MYO9B: variants seen among roughly 807,000 people sequenced by gnomAD.
MYO9B encodes unconventional myosin-IXb.
In MYO9B, 71 loss-of-function variants were observed where a neutral mutation model predicts 229.5. That is an observed-to-expected ratio of 0.31 (90% confidence interval 0.26 to 0.38). The LOEUF is 0.38. Ranked by LOEUF, MYO9B falls within the 10% of genes least tolerant of loss-of-function variation. The pLI, the probability that MYO9B is intolerant of heterozygous loss-of-function variation, is 1.00. For synonymous variants in MYO9B, 1,185 were observed against 1,235.8 expected (o/e 0.96, Z 0.86); for missense variants, 2,255 against 2,920.5 (o/e 0.77, Z 5.25).
At chr19:17,203,870 C>T (rs563142485) in intron 30 of MYO9B, among the ~76,000 whole-genome samples, 1 of 152,222 alleles carries the variant, frequency 6.6e-6, no homozygotes, top group Admixed American at 6.5e-5. Context: ...CTTCCCCAGG[C>T]TCCTCACGGT....
At chr19:17,080,841 C>G (rs1418582798) in intron 1 of MYO9B, among the ~76,000 whole-genome samples, 3 of 151,188 alleles carry the variant, frequency 2.0e-5, no homozygotes, top group Non-Finnish European at 4.4e-5. Context: ...TGCATTCCAG[C>G]CTGGGTGACA....
chr19:17,153,892 G>A (rs532243036), intron 4 of MYO9B, 75 bp from the exon 5 acceptor site: 2 of 1,058,952 alleles, frequency 1.9e-6, no homozygotes, highest in Admixed American at 3.4e-5. Flanking sequence ...CCAAAGCCAT[G>A]TTAGTAGTGG....
rs765439858 is a variant in MYO9B, at chr19:17,172,745, C to T, written c.1936-14C>T. 2 of 1,612,982 alleles carry T rather than the reference C, an allele frequency of 1.2e-6. No individual in the cohort carries two copies. Among genetic ancestry groups the T allele is most frequent in the South Asian group, 2.2e-5 (2 of 91,058 alleles). Reference sequence around the variant, plus strand: ...ACTATCCCCGAGTGACCGCCCACATCCATCCCCCACCAGGACTTCCGGGAG... The same window carrying T: ...ACTATCCCCGAGTGACCGCCCACATTCATCCCCCACCAGGACTTCCGGGAG... On this transcript the variant is annotated splice_polypyrimidine_tract_variant and intron_variant, in intron 12 of 39. Coordinates refer to ENST00000682292, the MANE Select transcript of MYO9B (RefSeq NM_004145.4). The surrounding 1 kb of genome is among the most constrained non-coding windows in gnomAD (Gnocchi z 8.2).
chr19:17,098,051 C>G (rs2145006596), intron 1 of MYO9B, among the ~76,000 whole-genome samples: 1 of 151,000 alleles, frequency 6.6e-6, no homozygotes, highest in African/African-American at 2.4e-5. Flanking sequence ...CAGAACCCCC[C>G]CCCCCCACCT....
chr19:17,151,384 A>G (rs2072475765), intron 3 of MYO9B, among the ~76,000 whole-genome samples: 1 of 152,192 alleles, frequency 6.6e-6, no homozygotes, highest in Non-Finnish European at 1.5e-5. Flanking sequence ...GCTTCCAAGG[A>G]CACTGTGACA....
In MYO9B at chr19:17,134,832, C is replaced by T. The variant is rs142354526; in HGVS notation, c.841-10565C>T. 4.9e-3 allele frequency among the ~76,000 whole-genome samples: 747 copies of T among 152,262 alleles called. 5 individuals are homozygous for T. Among genetic ancestry groups the T allele is most frequent in the African/African-American group, 0.018 (728 of 41,546 alleles). On this transcript the variant is annotated intron_variant, in intron 2 of 39. Transcript: ENST00000682292. ...AGGTCGGAGTGCAGTAGCACGATCT[C>T]GGCTCACTGCAACCTCCACCTCCTG...
At chr19:17,092,763 T>C (rs1420134645) in intron 1 of MYO9B, among the ~76,000 whole-genome samples, 1 of 151,512 alleles carries the variant, frequency 6.6e-6, no homozygotes, top group Non-Finnish European at 1.5e-5. Flanking sequence ...CATATGTTTT[T>C]TCATACCTGT....
intron 13 of MYO9B, among the ~76,000 whole-genome samples, chr19:17,173,524 G>A (rs1011993835): frequency 7.9e-5 from 12 of 151,782 alleles, no homozygotes; most frequent in African/African-American, 2.9e-4. Flanking sequence ...GGCTGGTCTC[G>A]AACTCCTGAC....
At position 17,211,762 on chromosome 19, in the gene MYO9B, G is replaced by A. The variant is rs941781729; in HGVS notation, c.6046G>A (p.Gly2016Arg). The change falls in exon 39 of 40, where the codon GGG (glycine) becomes AGG (arginine). Residue 2016 changes from glycine to arginine, a missense_variant. Coordinates refer to ENST00000682292, the MANE Select transcript of MYO9B (RefSeq NM_004145.4). ...CCTGCTGGAGGAGCGGGCCGGGCGG[G>A]GGGCCTCGGAAGGTCAGTATTAAGG... is the stretch of plus-strand genomic sequence containing the variant. ...ESLLEERAGRGASEGPPAPAL... is the reference protein window; with the variant it reads ...ESLLEERAGRRASEGPPAPAL... 1 of 1,613,068 alleles carries A rather than the reference G, an allele frequency of 6.2e-7. No individual in the cohort carries two copies. The highest frequency in any genetic ancestry group is 1.1e-5 in the South Asian group (1 of 91,044).
intron 2 of MYO9B, among the ~76,000 whole-genome samples, chr19:17,127,043 ACT>A (rs1261501460): frequency 9.5e-6 from 1 of 105,198 alleles, no homozygotes; most frequent in East Asian, 3.0e-4. Flanking sequence ...ATGGAGTCTC[ACT>A]CTGTCGCCCA....
chr19:17,157,836 A>T (rs937269316), intron 7 of MYO9B: 1 of 152,284 alleles, frequency 6.6e-6, no homozygotes, highest in Non-Finnish European at 1.5e-5. Flanking sequence ...AGCTGTGATC[A>T]TGCCACTGAA....
At chr19:17,079,061 C>A (rs1296149524) in intron 1 of MYO9B, among the ~76,000 whole-genome samples, 3 of 152,232 alleles carry the variant, frequency 2.0e-5, no homozygotes, top group Non-Finnish European at 4.4e-5. Flanking sequence ...AGTAGTATTC[C>A]ATCCCCTCCA....
At chr19:17,197,406 T>TGATAGATA (rs11455979) in intron 22 of MYO9B, among the ~76,000 whole-genome samples, 7,892 of 128,540 alleles carry the variant, frequency 0.061, 263 homozygotes, top group Non-Finnish European at 0.074. Context: ...GATAGATAGA[T>TGATAGATA]GATAGATAGA....
chr19:17,209,545 G>A (rs574010335), intron 35 of MYO9B, 41 bp from the exon 36 acceptor site: 20 of 1,554,260 alleles, frequency 1.3e-5, no homozygotes, highest in Admixed American at 3.9e-5. Flanking sequence ...CGTCCCCGGG[G>A]CGGTAACTGA....
At chr19:17,163,617 C>T (rs1369057075) in intron 10 of MYO9B, among the ~76,000 whole-genome samples, 3 of 152,136 alleles carry the variant, frequency 2.0e-5, no homozygotes, top group Admixed American at 6.6e-5. Context: ...ATCTGCTCAC[C>T]TTGGTCTCCC....
intron 35 of MYO9B, 67 bp from the exon 36 acceptor site, chr19:17,209,519 C>G: frequency 6.6e-7 from 1 of 1,510,762 alleles, no homozygotes; most frequent in Non-Finnish European, 8.9e-7. Context: ...CAGCTAGCAT[C>G]TCCCTGGACC....
At position 17,083,193 on chromosome 19, in the gene MYO9B, G is replaced by T. The variant is rs556913268; in HGVS notation, c.-59+7319G>T. Among the ~76,000 whole-genome samples the T allele has an allele frequency of 2.0e-5, 3 of 151,938 alleles. No homozygotes were observed. In the East Asian group the frequency reaches 5.8e-4, roughly 29 times the overall value. On this transcript the variant is annotated intron_variant, in intron 1 of 39. Coordinates refer to ENST00000682292, the MANE Select transcript of MYO9B (RefSeq NM_004145.4). ...TGGGACTACAGGCTGTCACCACCAC[G>T]CCAGGCTAATTTTTGTATTGTTTAT... is the stretch of plus-strand genomic sequence containing the variant.
chr19:17,102,230 G>T lies in MYO9B; in HGVS notation c.513G>T (p.Leu171=), dbSNP rs757629948. The part of the protein sequence containing the change: ...NLLKNLKHRF[L]QQKIYTYAGS... Reference sequence around the variant, plus strand: ...TGAAGAACCTCAAGCACCGCTTCCTGCAACAAAAGATCTACACGTACGCGG... The same window carrying T: ...TGAAGAACCTCAAGCACCGCTTCCTTCAACAAAAGATCTACACGTACGCGG... Residue 171 remains leucine (L), a synonymous_variant, in exon 2 of 40, where the codon CTG becomes CTT. Coordinates refer to ENST00000682292, the MANE Select transcript of MYO9B (RefSeq NM_004145.4). 4 of 1,607,616 alleles carry T rather than the reference G, an allele frequency of 2.5e-6. No individual in the cohort carries two copies. Among genetic ancestry groups the T allele is most frequent in the Non-Finnish European group, 1.7e-6 (2 of 1,176,780 alleles).
intron 5 of MYO9B, 67 bp downstream of exon 5, chr19:17,154,133 G>C: frequency 6.6e-7 from 1 of 1,509,246 alleles, no homozygotes; most frequent in Non-Finnish European, 9.2e-7. Flanking sequence ...TTTATGTATA[G>C]CCGGGAAGTC....
Sources: gnomAD v4.1 joint callset for allele counts (sites outside exome capture counted in the v4.1 genomes callset) on GRCh38, gnomAD v4.1.1 for gene constraint, Gnocchi (gnomAD v3.1) non-coding constraint, MANE v1.5 for transcripts, NCBI Gene and HGNC (gene_info 2026-07-23, HGNC 2026-07-21) for gene names.